Variants in FBXL7 observed in about 807,000 individuals in gnomAD.
FBXL7 encodes F-box/LRR-repeat protein 7.
A neutral mutation model predicts 38.3 loss-of-function variants in FBXL7; 12 were observed. That is an observed-to-expected ratio of 0.31 (90% CI 0.20 to 0.51). The LOEUF (loss-of-function observed/expected upper bound fraction) is 0.51. Among genes scored for constraint, FBXL7 ranks in the 20% least tolerant of loss-of-function variants. The pLI, the probability that FBXL7 is intolerant of heterozygous loss-of-function variation, is 0.98. For missense variants in FBXL7, 567 were observed against 676.4 expected (o/e 0.84, Z 1.79); for synonymous variants, 297 against 300.9 (o/e 0.99, Z 0.13).
At chr5:15,826,181 G>A (rs977595982) in intron 2 of FBXL7, among the ~76,000 whole-genome samples, 12 of 152,286 alleles carry the variant, frequency 7.9e-5, no homozygotes, top group African/African-American at 2.9e-4. Context: ...ATCAGCTCCA[G>A]TTCTTTTCGA....
chr5:15,639,488 A>G (rs987723824), intron 2 of FBXL7, among the ~76,000 whole-genome samples: 3 of 152,072 alleles, frequency 2.0e-5, no homozygotes, highest in African/African-American at 7.2e-5. Flanking sequence ...GCTGTCATCC[A>G]TGAAAGATGT....
At chr5:15,805,921 G>C (rs1737699927) in intron 2 of FBXL7, among the ~76,000 whole-genome samples, 1 of 152,216 alleles carries the variant, frequency 6.6e-6, no homozygotes, top group East Asian at 1.9e-4. Flanking sequence ...TCTTTTCTCA[G>C]GCTATGAATA....
At chr5:15,827,699 A>G (rs1463258238) in intron 2 of FBXL7, among the ~76,000 whole-genome samples, 1 of 152,168 alleles carries the variant, frequency 6.6e-6, no homozygotes, top group Non-Finnish European at 1.5e-5. Context: ...ATCACCACTC[A>G]AAGGTCTCCT....
chr5:15,830,379 G>A (rs1014839380), intron 2 of FBXL7, among the ~76,000 whole-genome samples: 2 of 151,868 alleles, frequency 1.3e-5, no homozygotes, highest in African/African-American at 4.8e-5. Flanking sequence ...AGCTACTCAG[G>A]AGGCCAAGGC....
At chr5:15,541,395 T>A (rs1737739518) in intron 1 of FBXL7, among the ~76,000 whole-genome samples, 1 of 139,426 alleles carries the variant, frequency 7.2e-6, no homozygotes, top group Non-Finnish European at 1.5e-5. Context: ...CACACATATA[T>A]CCATATATAT....
intron 1 of FBXL7, among the ~76,000 whole-genome samples, chr5:15,569,411 G>C: frequency 6.6e-6 from 1 of 151,402 alleles, no homozygotes; most frequent in Non-Finnish European, 1.5e-5. Flanking sequence ...TGGTGTATAA[G>C]AATGCTTGTG....
intron 2 of FBXL7, among the ~76,000 whole-genome samples, chr5:15,844,991 T>C (rs1045202517): frequency 6.6e-6 from 1 of 152,174 alleles, no homozygotes; most frequent in African/African-American, 2.4e-5. Context: ...AAATCTGTCC[T>C]TCTTTGCATA....
chr5:15,830,254 C>T (rs1033836113), intron 2 of FBXL7, among the ~76,000 whole-genome samples: 11 of 152,026 alleles, frequency 7.2e-5, no homozygotes, highest in African/African-American at 1.7e-4. Context: ...GAGGCCAAGG[C>T]GGGCAGATCA....
intron 1 of FBXL7, among the ~76,000 whole-genome samples, chr5:15,603,231 G>A (rs373070713): frequency 1.8e-4 from 27 of 152,016 alleles, no homozygotes; most frequent in African/African-American, 5.1e-4. Flanking sequence ...AGTGCTAACC[G>A]TAATCCTTTG....
intron 1 of FBXL7, among the ~76,000 whole-genome samples, chr5:15,552,606 C>G (rs971565140): frequency 6.6e-6 from 1 of 152,222 alleles, no homozygotes; most frequent in Admixed American, 6.5e-5. Flanking sequence ...TCCTCTGTAT[C>G]TGGCCTTCAG....
intron 2 of FBXL7, among the ~76,000 whole-genome samples, chr5:15,912,599 A>G (rs965768330): frequency 6.6e-6 from 1 of 151,920 alleles, no homozygotes; most frequent in Admixed American, 6.6e-5. Flanking sequence ...CTTGAATTCT[A>G]CTCCACAACT....
chr5:15,916,373 G>T (rs1240857912), intron 2 of FBXL7, among the ~76,000 whole-genome samples: 1 of 152,170 alleles, frequency 6.6e-6, no homozygotes, highest in African/African-American at 2.4e-5. Flanking sequence ...GCAGAGATGG[G>T]GGAGCATGGT....
chr5:15,573,950 T>C lies in FBXL7; in HGVS notation c.38-42033T>C, dbSNP rs143028410. Among the ~76,000 whole-genome samples, 36 of 152,326 alleles carry C rather than the reference T, an allele frequency of 2.4e-4. 1 individual carries two copies. The East Asian group carries it at 6.9e-3, about 29-fold the overall frequency. Reference sequence around the variant, plus strand: ...GAGTCATATAAACATAAAGCTGATATATAGAACTGAGCATTGTTCTTACAT... The same window carrying C: ...GAGTCATATAAACATAAAGCTGATACATAGAACTGAGCATTGTTCTTACAT... On this transcript the variant is annotated intron_variant, in intron 1 of 3. Coordinates refer to ENST00000504595, the MANE Select transcript of FBXL7 (RefSeq NM_012304.5).
At chr5:15,876,485 G>T (rs185052675) in intron 2 of FBXL7, among the ~76,000 whole-genome samples, 343 of 152,146 alleles carry the variant, frequency 2.3e-3, no homozygotes, top group Middle Eastern at 0.01. Flanking sequence ...TGACATTTTA[G>T]TTGATTAATT....
At chr5:15,668,640 C>G (rs904660676) in intron 2 of FBXL7, among the ~76,000 whole-genome samples, 2 of 152,164 alleles carry the variant, frequency 1.3e-5, no homozygotes, top group African/African-American at 4.8e-5. Flanking sequence ...ATATTTTGAA[C>G]ACAGCAGTAC....
chr5:15,765,398 A>G (rs889848998), intron 2 of FBXL7, among the ~76,000 whole-genome samples: 1 of 152,134 alleles, frequency 6.6e-6, no homozygotes, highest in Non-Finnish European at 1.5e-5. Flanking sequence ...AAAGCACATC[A>G]AGCAGAGACT....
In FBXL7 at chr5:15,937,265, C is replaced by A; in HGVS notation, c.*79C>A. ...TTTTTAAAAGCAGCGTATGTAAGCA[C>A]CGACACCCACTCAAAACAGCTCTTT... On this transcript the variant is annotated 3_prime_UTR_variant, in exon 4 of 4. Transcript: ENST00000504595. 7.1e-7 allele frequency: 1 copy of A among 1,416,800 alleles called. No individual in the cohort carries two copies. Among genetic ancestry groups the A allele is most frequent in the Non-Finnish European group, 9.3e-7 (1 of 1,078,282 alleles). The allele number at this position is 1,416,800 out of a possible 1,614,324, so 87.8% of individuals were successfully genotyped here.
intron 2 of FBXL7, among the ~76,000 whole-genome samples, chr5:15,668,971 C>CAT (rs1405454535): frequency 6.6e-6 from 1 of 152,114 alleles, no homozygotes; most frequent in African/African-American, 2.4e-5. Context: ...TGAGATAATA[C>CAT]ATATACAATG....
At chr5:15,817,938 C>T (rs1346506881) in intron 2 of FBXL7, among the ~76,000 whole-genome samples, 2 of 152,164 alleles carry the variant, frequency 1.3e-5, no homozygotes, top group South Asian at 2.1e-4. Flanking sequence ...CAATTCCATA[C>T]AAGATAGAGT....
Sources: allele counts gnomAD v4.1 joint callset (sites outside exome capture counted in the v4.1 genomes callset), GRCh38; gene constraint gnomAD v4.1.1; transcripts MANE v1.5; gene names NCBI Gene and HGNC (gene_info 2026-07-23, HGNC 2026-07-21).